Variants in TMEM131L observed in about 807,000 individuals in gnomAD.
TMEM131L encodes the protein transmembrane protein 131-like.
In TMEM131L, 54 loss-of-function variants were observed where a neutral mutation model predicts 192.2. That is an observed-to-expected ratio of 0.28 (90% confidence interval 0.23 to 0.35). The LOEUF is 0.35. TMEM131L is among the 10% of genes least tolerant of loss of function. The pLI, the probability that TMEM131L is intolerant of heterozygous loss-of-function variation, is 1.00. For synonymous variants in TMEM131L, 701 were observed against 704.9 expected (o/e 0.99, Z 0.09); for missense variants, 1,888 against 1,972.9 (o/e 0.96, Z 0.82).
chr4:153,608,929 G>T (rs1040543815), intron 25 of TMEM131L, among the ~76,000 whole-genome samples: 2 of 152,006 alleles, frequency 1.3e-5, no homozygotes, highest in Non-Finnish European at 2.9e-5. Context: ...AGTGTACATC[G>T]TGAAACCATT....
chr4:153,588,948 T>C lies in TMEM131L; in HGVS notation c.1611T>C (p.Ser537=), dbSNP rs1277945204. ...SLDQSTWNVD[S]ELANKLYERW... The stretch of plus-strand genomic sequence containing the variant: ...ATCAATCTACCTGGAATGTGGATTC[T>C]GAACTTGCAAATAAATTGTATGAAA... The change falls in exon 16 of 35, where the codon TCT becomes TCC. Residue 537 remains serine (S), a synonymous_variant. Transcript: ENST00000409959. The C allele has an allele frequency of 1.2e-5, 20 of 1,609,584 alleles. 1 individual carries two copies. In the Admixed American group the frequency reaches 3.3e-4, roughly 27 times the overall value.
At chr4:153,467,154 G>A (rs933798498) in intron 1 of TMEM131L, 57 bp from the exon 2 acceptor site, 16 of 1,503,614 alleles carry the variant, frequency 1.1e-5, no homozygotes, top group Non-Finnish European at 1.3e-5. Flanking sequence ...AGGGGAAACA[G>A]GAAGCGTTTC....
intron 31 of TMEM131L, among the ~76,000 whole-genome samples, 190 bp downstream of exon 31, chr4:153,627,877 C>T (rs1317919075): frequency 2.6e-5 from 4 of 152,210 alleles, no homozygotes; most frequent in Non-Finnish European, 4.4e-5. Context: ...ATTGGGGCCC[C>T]AGCTGACCTT....
At position 153,547,610 on chromosome 4, in the gene TMEM131L, A is replaced by G. The variant is rs146398486; in HGVS notation, c.240-2463A>G. Reference sequence around the variant, plus strand: ...CTATGGGGTAGATCGTTTCCATTTTACAGAGAATAAGGTTAGGACTTGAGA... The same window carrying G: ...CTATGGGGTAGATCGTTTCCATTTTGCAGAGAATAAGGTTAGGACTTGAGA... On this transcript the variant is annotated intron_variant, in intron 3 of 34. Transcript: ENST00000409959. Among the ~76,000 whole-genome samples the G allele has an allele frequency of 6.6e-3, 997 of 152,202 alleles. 9 individuals carry two copies. The highest frequency in any genetic ancestry group is 0.023 in the African/African-American group (946 of 41,506).
chr4:153,632,938 T>G, intron 32 of TMEM131L, 100 bp downstream of exon 32: 2 of 1,407,696 alleles, frequency 1.4e-6, no homozygotes, highest in Non-Finnish European at 9.8e-7. Flanking sequence ...AAATGAAGGC[T>G]AGGCTTCTTC....
intron 3 of TMEM131L, among the ~76,000 whole-genome samples, chr4:153,510,114 T>C (rs1467196751): frequency 6.6e-6 from 1 of 152,190 alleles, no homozygotes; most frequent in Non-Finnish European, 1.5e-5. Flanking sequence ...GTGTATGAAA[T>C]AGCCCAAATT....
intron 21 of TMEM131L, among the ~76,000 whole-genome samples, chr4:153,599,508 T>C (rs9990492): frequency 0.33 from 50,787 of 151,964 alleles, 8,610 homozygotes; most frequent in Non-Finnish European, 0.37. Context: ...GCAAGACCCC[T>C]TCTCTAAAAC....
chr4:153,539,077 C>A (rs1212330837), intron 3 of TMEM131L, among the ~76,000 whole-genome samples: 1 of 152,198 alleles, frequency 6.6e-6, no homozygotes, highest in African/African-American at 2.4e-5. Flanking sequence ...TGTCACAGAA[C>A]CTTGGGAAAG....
intron 20 of TMEM131L, among the ~76,000 whole-genome samples, chr4:153,597,252 ATTT>A (rs1281266550): frequency 2.0e-5 from 3 of 149,086 alleles, no homozygotes; most frequent in Non-Finnish European, 3.0e-5. Flanking sequence ...TTGTTTATTA[ATTT>A]TTTTCTTTTT....
chr4:153,621,258 T>C (rs1578883735), intron 27 of TMEM131L, among the ~76,000 whole-genome samples: 1 of 152,196 alleles, frequency 6.6e-6, no homozygotes, highest in Non-Finnish European at 1.5e-5. Context: ...TGCTGTTCCC[T>C]GTTCAGCCAC....
chr4:153,592,780 G>A (rs537240058), intron 18 of TMEM131L, among the ~76,000 whole-genome samples, 196 bp downstream of exon 18: 8 of 152,212 alleles, frequency 5.3e-5, no homozygotes, highest in Non-Finnish European at 1.2e-4. Context: ...TGTGTGTTAT[G>A]TGGCATCTTC....
At chr4:153,577,412 T>A (rs754665473) in intron 7 of TMEM131L, among the ~76,000 whole-genome samples, 3 of 152,140 alleles carry the variant, frequency 2.0e-5, no homozygotes, top group Non-Finnish European at 4.4e-5. Context: ...TAAGAGGAAG[T>A]TACTGCACCA....
In TMEM131L at chr4:153,555,733, G is replaced by A; in HGVS notation, c.309-54G>A. 5 of 1,457,102 alleles carry A rather than the reference G, an allele frequency of 3.4e-6. No individual in the cohort carries two copies. The highest frequency in any genetic ancestry group is 4.7e-6 in the Non-Finnish European group (5 of 1,068,164). 90.3% of individuals were successfully genotyped at this position (1,457,102 alleles called of 1,614,324 possible). On this transcript the variant is annotated intron_variant, in intron 4 of 34. Coordinates refer to ENST00000409959, the MANE Select transcript of TMEM131L (RefSeq NM_001131007.2). The surrounding 1 kb of genome is among the most constrained non-coding windows in gnomAD (Gnocchi z 4.1). ...ATATAATAATACATATATATGTATG[G>A]TAATATTTATAACCACACAATACAT...
intron 3 of TMEM131L, among the ~76,000 whole-genome samples, chr4:153,501,369 T>G (rs1733597058): frequency 1.3e-5 from 2 of 151,956 alleles, no homozygotes; most frequent in Admixed American, 6.6e-5. Context: ...CCCGGCTAAT[T>G]TTTTGTATTT....
chr4:153,533,946 T>A (rs1736114647), intron 3 of TMEM131L, among the ~76,000 whole-genome samples: 1 of 152,258 alleles, frequency 6.6e-6, no homozygotes, highest in African/African-American at 2.4e-5. Context: ...TTAAAAGTAT[T>A]CTATACATAC....
Position 153,482,741 on chromosome 4 carries a change from G to A in TMEM131L, c.239+8853G>A, listed in dbSNP as rs77076010. Among the ~76,000 whole-genome samples, 169 of 152,230 alleles carry A rather than the reference G, an allele frequency of 1.1e-3. 4 individuals carry two copies. In the East Asian group the frequency reaches 0.029, roughly 26 times the overall value. On this transcript the variant is annotated intron_variant, in intron 3 of 34. Transcript: ENST00000409959. ...CCAGTAGCTGGGGCTACAGGTACAC[G>A]TCACCATGCCCGGCTAATATTTTTT... is the stretch of plus-strand genomic sequence containing the variant.
chr4:153,605,343 G>A (rs183729332), intron 25 of TMEM131L, among the ~76,000 whole-genome samples: 12 of 152,184 alleles, frequency 7.9e-5, no homozygotes, highest in African/African-American at 2.4e-4. Flanking sequence ...TTGAATATAC[G>A]TATTTCTGTA....
chr4:153,565,951 G>C (rs1430463312), intron 7 of TMEM131L, among the ~76,000 whole-genome samples: 1 of 152,182 alleles, frequency 6.6e-6, no homozygotes, highest in East Asian at 1.9e-4. Flanking sequence ...GAGATTTGGG[G>C]AGTGTTTCAG....
intron 2 of TMEM131L, among the ~76,000 whole-genome samples, chr4:153,473,071 C>G (rs1369955396): frequency 4.6e-5 from 7 of 152,206 alleles, no homozygotes. Flanking sequence ...AGCCCAGGTG[C>G]TTGCCGCAAT....
Sources: allele counts gnomAD v4.1 joint callset (sites outside exome capture counted in the v4.1 genomes callset), GRCh38; gene constraint gnomAD v4.1.1; non-coding constraint Gnocchi (gnomAD v3.1); transcripts MANE v1.5; gene names NCBI Gene and HGNC (gene_info 2026-07-23, HGNC 2026-07-21).